Variants in AGMO observed in about 807,000 individuals in gnomAD.
The protein encoded by AGMO is glyceryl-ether monooxygenase.
Under a neutral mutation model 60.2 loss-of-function variants are expected in AGMO, and 75 were observed. The ratio of observed to expected loss-of-function variants is 1.25; its 90% confidence interval spans 1.03 to 1.51. AGMO has a LOEUF of 1.51. Ranked by LOEUF, AGMO falls within the 40% of genes most tolerant of loss-of-function variation. The pLI is 0.00. For synonymous variants in AGMO, 261 were observed against 177.1 expected (o/e 1.47, Z -3.76); for missense variants, 763 against 525.5 (o/e 1.45, Z -4.42).
intron 5 of AGMO, among the ~76,000 whole-genome samples, chr7:15,409,965 A>C (rs2128492104): frequency 6.6e-6 from 1 of 151,826 alleles, no homozygotes; most frequent in South Asian, 2.1e-4. Flanking sequence ...CCTGAAAAAT[A>C]ATGAATACTG....
At chr7:15,128,799 T>C in the AGMO span, among the ~76,000 whole-genome samples, 5 of 152,038 alleles carry the variant, frequency 3.3e-5, no homozygotes, top group Non-Finnish European at 5.9e-5. Flanking sequence ...GTAGTAGAAA[T>C]AGACAATCAG....
At chr7:15,257,104 G>A (rs955084623) in intron 12 of AGMO, among the ~76,000 whole-genome samples, 10 of 151,908 alleles carry the variant, frequency 6.6e-5, no homozygotes, top group East Asian at 5.8e-4. Context: ...TGTATGCTGC[G>A]GTTTTAGTAT....
At chr7:15,276,622 A>G (rs779274791) in intron 12 of AGMO, among the ~76,000 whole-genome samples, 1 of 152,092 alleles carries the variant, frequency 6.6e-6, no homozygotes, top group South Asian at 2.1e-4. Context: ...TATTCACTCA[A>G]ATGTGTTTTT....
intron 12 of AGMO, among the ~76,000 whole-genome samples, chr7:15,207,096 G>A (rs970212739): frequency 6.6e-6 from 1 of 152,102 alleles, no homozygotes; most frequent in Non-Finnish European, 1.5e-5. Flanking sequence ...CATCCAGACC[G>A]CATTTCAACT....
chr7:15,204,166 TTACA>T (rs745696724), intron 12 of AGMO, among the ~76,000 whole-genome samples: 4 of 152,242 alleles, frequency 2.6e-5, no homozygotes, highest in Middle Eastern at 3.4e-3. Flanking sequence ...TATATAAATA[TTACA>T]TACAATGTAT....
intron 12 of AGMO, among the ~76,000 whole-genome samples, chr7:15,278,562 C>T (rs148360496): frequency 3.2e-4 from 49 of 152,130 alleles, no homozygotes; most frequent in Non-Finnish European, 5.1e-4. Flanking sequence ...GCAGAACTCT[C>T]GGGTGATGGG....
At chr7:15,288,945 G>C (rs931599969) in intron 12 of AGMO, among the ~76,000 whole-genome samples, 1 of 151,742 alleles carries the variant, frequency 6.6e-6, no homozygotes, top group Non-Finnish European at 1.5e-5. Context: ...TCCTAAACCT[G>C]GGAGTTGATC....
chr7:15,129,937 A>G, the AGMO span, among the ~76,000 whole-genome samples: 1 of 152,132 alleles, frequency 6.6e-6, no homozygotes, highest in African/African-American at 2.4e-5. Flanking sequence ...TGTATCAGCC[A>G]TGCTCGAGTA....
the AGMO span, among the ~76,000 whole-genome samples, chr7:15,170,545 ATTTATT>A: frequency 6.6e-6 from 1 of 152,008 alleles, no homozygotes; most frequent in African/African-American, 2.4e-5. Flanking sequence ...CAAGGCTTAT[ATTTATT>A]TTTATTTTTT....
At chr7:15,348,405 A>C (rs1206818501) in intron 12 of AGMO, among the ~76,000 whole-genome samples, 1 of 152,108 alleles carries the variant, frequency 6.6e-6, no homozygotes, top group East Asian at 1.9e-4. Flanking sequence ...AGGAAAAAAG[A>C]AGCCAGAAAA....
At chr7:15,263,611 T>G (rs1037349142) in intron 12 of AGMO, among the ~76,000 whole-genome samples, 7 of 152,056 alleles carry the variant, frequency 4.6e-5, no homozygotes, top group Middle Eastern at 3.4e-3. Context: ...AAAAAATAAT[T>G]TTGCACATGA....
the AGMO span, among the ~76,000 whole-genome samples, chr7:15,140,319 T>G: frequency 6.6e-6 from 1 of 152,238 alleles, no homozygotes; most frequent in Non-Finnish European, 1.5e-5. Context: ...AAATTAATAC[T>G]TCTTTGAGGA....
intron 2 of AGMO, among the ~76,000 whole-genome samples, chr7:15,556,219 G>GTTTT (rs71004394): frequency 1.1e-3 from 105 of 91,426 alleles, no homozygotes; most frequent in African/African-American, 3.6e-3. Context: ...CTCCTTTTTA[G>GTTTT]TTTTTTTTTT....
At chr7:15,385,341 C>G in intron 10 of AGMO, 105 bp downstream of exon 10, 4 of 737,008 alleles carry the variant, frequency 5.4e-6, no homozygotes, top group Non-Finnish European at 9.0e-6. Flanking sequence ...TTACAGCAGA[C>G]CACTACAGAG....
chr7:15,268,402 T>C (rs116789816), intron 12 of AGMO, among the ~76,000 whole-genome samples: 3,372 of 152,142 alleles, frequency 0.022, 124 homozygotes, highest in African/African-American at 0.078. Flanking sequence ...GAGCCCAAAA[T>C]CCTTTTGGAG....
At chr7:15,370,740 G>GT (rs1173967086) in intron 10 of AGMO, among the ~76,000 whole-genome samples, 1 of 151,934 alleles carries the variant, frequency 6.6e-6, no homozygotes, top group Non-Finnish European at 1.5e-5. Flanking sequence ...GTGGCTATTT[G>GT]TTTTTTTCTT....
chr7:15,366,078 ACT>A, intron 11 of AGMO, 60 bp downstream of exon 11: 1 of 1,268,420 alleles, frequency 7.9e-7, no homozygotes, highest in South Asian at 1.3e-5. Context: ...GTATTTTACC[ACT>A]CTGTGGAAAA....
chr7:15,248,218 A>C lies in AGMO; in HGVS notation c.1264-46859T>G, dbSNP rs868612295. ...TATATATATATATATATATATATAT[A>C]TATATATCTTCATCTTCAATTCTAG... On this transcript the variant is annotated intron_variant, in intron 12 of 12. Transcript: ENST00000342526. Among the ~76,000 whole-genome samples, 735 of 106,292 alleles carry C rather than the reference A, an allele frequency of 6.9e-3. 26 individuals are homozygous for C. The highest frequency in any genetic ancestry group is 0.026 in the African/African-American group (681 of 26,434). 69.7% of individuals were successfully genotyped at this position (106,292 alleles called of 152,430 possible). A position where few individuals can be genotyped will look rare whatever the true frequency, so the allele number is the denominator to read the frequency against.
intron 12 of AGMO, among the ~76,000 whole-genome samples, chr7:15,327,690 G>T (rs1441298837): frequency 2.0e-5 from 3 of 151,500 alleles, no homozygotes; most frequent in African/African-American, 7.3e-5. Context: ...TAAGCCCTGA[G>T]GGGGAGAGAA....
Sources: allele counts gnomAD v4.1 joint callset (sites outside exome capture counted in the v4.1 genomes callset), GRCh38; gene constraint gnomAD v4.1.1; transcripts MANE v1.5; gene names NCBI Gene and HGNC (gene_info 2026-07-23, HGNC 2026-07-21).